The following FAM135B variants were observed in gnomAD, a reference collection of about 807,000 sequenced individuals.
FAM135B encodes the protein protein FAM135B.
A neutral mutation model predicts 127.7 loss-of-function variants in FAM135B; 43 were observed. The observed-to-expected ratio is 0.34, with a 90% CI of 0.26 to 0.43. FAM135B has a LOEUF of 0.43. Ranked by LOEUF, FAM135B falls within the 20% of genes least tolerant of loss-of-function variation. The pLI is 1.00. For synonymous variants in FAM135B, 670 were observed against 665.1 expected (o/e 1.01, Z -0.11); for missense variants, 1,558 against 1,725.6 (o/e 0.90, Z 1.72).
At chr8:138,458,852 G>A (rs1260653028) in intron 1 of FAM135B, among the ~76,000 whole-genome samples, 1 of 152,174 alleles carries the variant, frequency 6.6e-6, no homozygotes, top group Non-Finnish European at 1.5e-5. Flanking sequence ...TGAATTCAGA[G>A]GGAGTAGCAA....
chr8:138,132,484 C>T lies in FAM135B; in HGVS notation c.*109G>A, dbSNP rs1242253260. On this transcript the variant is annotated 3_prime_UTR_variant, in exon 20 of 20. Coordinates refer to ENST00000395297, the MANE Select transcript of FAM135B (RefSeq NM_015912.4). This position sits in a 1 kb window ranked among gnomAD's most constrained non-coding sequence, Gnocchi z 4.5. ...AGGTTCCACCCGAGCCTCCGTCCCC[C>T]AATGCTGTTGAAGCTTCATTCTGAA... 1 of 912,044 alleles carries T rather than the reference C, an allele frequency of 1.1e-6. No homozygotes were observed. Among genetic ancestry groups the T allele is most frequent in the African/African-American group, 1.7e-5 (1 of 60,538 alleles). 56.5% of individuals were successfully genotyped at this position (912,044 alleles called of 1,614,324 possible). A position where few individuals can be genotyped will look rare whatever the true frequency, so the allele number is the denominator to read the frequency against.
intron 9 of FAM135B, among the ~76,000 whole-genome samples, chr8:138,193,184 G>T (rs1442310111): frequency 6.6e-6 from 1 of 152,204 alleles, no homozygotes; most frequent in Non-Finnish European, 1.5e-5. Context: ...TGTGAGCACC[G>T]ATTCCTCCCA....
At chr8:138,451,794 AATGTCCAAAAAT>A (rs543513045) in intron 1 of FAM135B, among the ~76,000 whole-genome samples, 298 of 152,320 alleles carry the variant, frequency 2.0e-3, no homozygotes, top group African/African-American at 6.9e-3. Context: ...GACACAGATA[AATGTCCAAAAAT>A]ATTGGGTAAA....
intron 2 of FAM135B, among the ~76,000 whole-genome samples, chr8:138,329,363 C>T (rs1260926053): frequency 6.6e-6 from 1 of 152,200 alleles, no homozygotes; most frequent in Non-Finnish European, 1.5e-5. Context: ...TCTCTTGGCT[C>T]CCTGTGTCTC....
intron 1 of FAM135B, chr8:138,440,959 A>G (rs1472271338): frequency 1.3e-5 from 2 of 152,116 alleles, no homozygotes; most frequent in African/African-American, 2.4e-5. Context: ...CAAAGCCTAC[A>G]CTAGAATACT....
chr8:138,152,011 C>A lies in FAM135B; in HGVS notation c.2464G>T (p.Asp822Tyr), dbSNP rs2130752394. The A allele has an allele frequency of 6.2e-7, 1 of 1,614,120 alleles. No homozygotes were observed. ...CSQLCGDSGT[D>Y]AGADHPLVEI... Reference sequence around the variant, plus strand: ...ACCAGGGGATGGTCTGCTCCAGCATCTGTTCCAGAGTCACCACAAAGTTGA... The same window carrying A: ...ACCAGGGGATGGTCTGCTCCAGCATATGTTCCAGAGTCACCACAAAGTTGA... Residue 822 changes from aspartate (D) to tyrosine (Y), a missense_variant, in exon 13 of 20, where the codon GAT becomes TAT. Coordinates refer to ENST00000395297, the MANE Select transcript of FAM135B (RefSeq NM_015912.4).
chr8:138,338,333 T>C (rs1314665185), intron 2 of FAM135B, among the ~76,000 whole-genome samples: 1 of 151,600 alleles, frequency 6.6e-6, no homozygotes, highest in Non-Finnish European at 1.5e-5. Flanking sequence ...ACCTACAAAA[T>C]GGGAGAAAAT....
At chr8:138,203,144 G>A (rs1215571344) in intron 7 of FAM135B, among the ~76,000 whole-genome samples, 1 of 152,080 alleles carries the variant, frequency 6.6e-6, no homozygotes, top group African/African-American at 2.4e-5. Flanking sequence ...ATCAGACATA[G>A]CTTAGCTTGT....
intron 15 of FAM135B, among the ~76,000 whole-genome samples, chr8:138,143,519 C>A (rs1041728727): frequency 2.0e-5 from 3 of 152,144 alleles, no homozygotes; most frequent in African/African-American, 4.8e-5. Flanking sequence ...AAAGGCCCTG[C>A]CCTTTCTGTG....
At chr8:138,384,383 TTTAC>T (rs1832056381) in intron 1 of FAM135B, among the ~76,000 whole-genome samples, 1 of 138,470 alleles carries the variant, frequency 7.2e-6, no homozygotes. Flanking sequence ...TATTTATTTA[TTTAC>T]CCATTTGCTA....
intron 1 of FAM135B, among the ~76,000 whole-genome samples, chr8:138,452,365 C>T (rs1836542366): frequency 2.0e-5 from 3 of 152,056 alleles, no homozygotes. Context: ...AGGTGATCCA[C>T]CCACTTCAGC....
intron 1 of FAM135B, among the ~76,000 whole-genome samples, chr8:138,410,686 G>A (rs1399369865): frequency 6.6e-6 from 1 of 152,170 alleles, no homozygotes; most frequent in Non-Finnish European, 1.5e-5. Flanking sequence ...ACTGCTGGTG[G>A]AAATGTAAAT....
intron 12 of FAM135B, among the ~76,000 whole-genome samples, chr8:138,159,873 T>G (rs2130846081): frequency 6.6e-6 from 1 of 152,304 alleles, no homozygotes; most frequent in African/African-American, 2.4e-5. Flanking sequence ...CTTGATAATT[T>G]ATGCTAACCA....
intron 1 of FAM135B, among the ~76,000 whole-genome samples, chr8:138,372,361 G>A (rs926449805): frequency 3.3e-5 from 5 of 152,190 alleles, no homozygotes; most frequent in Non-Finnish European, 7.3e-5. Context: ...AACATGCCTA[G>A]AGAAGAGGAT....
chr8:138,240,643 A>T (rs954353781), intron 7 of FAM135B, among the ~76,000 whole-genome samples: 7 of 152,216 alleles, frequency 4.6e-5, no homozygotes, highest in Non-Finnish European at 8.8e-5. Context: ...CCAGCCACTC[A>T]GAGCCCAGTG....
chr8:138,198,130 G>A (rs2131145937), intron 7 of FAM135B, among the ~76,000 whole-genome samples: 1 of 152,230 alleles, frequency 6.6e-6, no homozygotes, highest in African/African-American at 2.4e-5. Flanking sequence ...GAATCACGGG[G>A]GCGGGGTTTT....
chr8:138,467,822 A>G (rs1156966996), intron 1 of FAM135B, among the ~76,000 whole-genome samples: 1 of 152,210 alleles, frequency 6.6e-6, no homozygotes, highest in East Asian at 1.9e-4. Context: ...TTCTTGAAAA[A>G]TTGGGAAATT....
At chr8:138,323,004 C>T (rs374894245) in intron 2 of FAM135B, among the ~76,000 whole-genome samples, 8 of 152,304 alleles carry the variant, frequency 5.3e-5, no homozygotes, top group South Asian at 4.1e-4. Context: ...TGACAGTATG[C>T]GCCCACCACT....
intron 7 of FAM135B, among the ~76,000 whole-genome samples, chr8:138,201,366 C>T (rs78830747): frequency 0.027 from 4,172 of 152,080 alleles, 193 homozygotes; most frequent in African/African-American, 0.095. Context: ...TTTGGGGAAT[C>T]GTCGCAAGGC....
Sources: allele counts gnomAD v4.1 joint callset (sites outside exome capture counted in the v4.1 genomes callset), GRCh38; gene constraint gnomAD v4.1.1; non-coding constraint Gnocchi (gnomAD v3.1); transcripts MANE v1.5; gene names NCBI Gene and HGNC (gene_info 2026-07-23, HGNC 2026-07-21).